Variants in ARAP2 observed in about 807,000 individuals in gnomAD.
ARAP2 encodes ArfGAP with RhoGAP domain, ankyrin repeat and PH domain 2.
In ARAP2, 148 loss-of-function variants were observed where a neutral mutation model predicts 194.5. That is an observed-to-expected ratio of 0.76 (90% CI 0.67 to 0.87). ARAP2 has a LOEUF of 0.87. Among genes scored for constraint, ARAP2 ranks in the 40% least tolerant of loss-of-function variants. The pLI is 0.00. For missense variants in ARAP2, 2,128 were observed against 1,989.7 expected (o/e 1.07, Z -1.32); for synonymous variants, 695 against 683.5 (o/e 1.02, Z -0.26).
chr4:36,026,664 A>G (rs1403228409), intron 5 of ARAP2, among the ~76,000 whole-genome samples: 1 of 152,200 alleles, frequency 6.6e-6, no homozygotes, highest in Non-Finnish European at 1.5e-5. Flanking sequence ...TGGAAAAGAT[A>G]GTACAAGGGC....
At chr4:36,027,410 G>T (rs1252911786) in intron 5 of ARAP2, among the ~76,000 whole-genome samples, 1 of 151,472 alleles carries the variant, frequency 6.6e-6, no homozygotes, top group Non-Finnish European at 1.5e-5. Flanking sequence ...CTTTGTATTT[G>T]CTGTTTCCTT....
chr4:36,177,218 AT>A (rs1560598380), intron 9 of ARAP2, among the ~76,000 whole-genome samples: 1 of 152,138 alleles, frequency 6.6e-6, no homozygotes, highest in East Asian at 1.9e-4. Flanking sequence ...GTCCTTTGAC[AT>A]TAATCAAATT....
Position 36,184,797 on chromosome 4 carries a change from G to C in ARAP2, c.1678+2654C>G, listed in dbSNP as rs1296231604. 3.3e-5 allele frequency among the ~76,000 whole-genome samples: 5 copies of C among 152,142 alleles called. No individual in the cohort carries two copies. The South Asian group carries it at 6.2e-4, about 19-fold the overall frequency. On this transcript the variant is annotated intron_variant, in intron 8 of 32. Coordinates refer to ENST00000303965, the MANE Select transcript of ARAP2 (RefSeq NM_015230.4). ...AAAGAAACAAGCAGTTACCTTTCAG[G>C]GTGGTGGAAACCAAACCATAAGGAA...
intron 31 of ARAP2, among the ~76,000 whole-genome samples, chr4:36,077,530 T>C (rs1309973545): frequency 2.6e-5 from 4 of 152,100 alleles, no homozygotes; most frequent in African/African-American, 9.7e-5. Context: ...ACAGACAACG[T>C]AGTCACTTCG....
At chr4:36,145,828 A>G (rs1451999044) in intron 19 of ARAP2, among the ~76,000 whole-genome samples, 1 of 151,840 alleles carries the variant, frequency 6.6e-6, no homozygotes, top group Non-Finnish European at 1.5e-5. Context: ...TCTCTTTTCT[A>G]GCTATACTCT....
rs182148738 is a variant in ARAP2, at chr4:36,008,475, A to G, written n.1326-1429T>C. Among the ~76,000 whole-genome samples, 5 of 152,266 alleles carry G rather than the reference A, an allele frequency of 3.3e-5. No homozygotes were observed. The East Asian group carries it at 9.6e-4, about 29-fold the overall frequency. On this transcript the variant is annotated intron_variant and non_coding_transcript_variant, in intron 9 of 12. Transcript: ENST00000503225. ...CTTATTCAGTAAATGCTCCTGGGAT[A>G]GCTAGCATGTCTATATGCAGAAGTA...
At chr4:36,126,951 C>T (rs1724078172) in intron 21 of ARAP2, among the ~76,000 whole-genome samples, 1 of 152,050 alleles carries the variant, frequency 6.6e-6, no homozygotes, top group Admixed American at 6.6e-5. Context: ...GATCCTCCCA[C>T]CTCAGTCTTC....
chr4:36,238,013 T>C (rs549475533), intron 1 of ARAP2, among the ~76,000 whole-genome samples: 1 of 152,316 alleles, frequency 6.6e-6, no homozygotes, highest in African/African-American at 2.4e-5. Context: ...CTAACTTATT[T>C]TTCTAGTCTG....
chr4:36,197,328 CGAAT>C (rs1335900853), intron 6 of ARAP2, among the ~76,000 whole-genome samples: 7 of 152,086 alleles, frequency 4.6e-5, no homozygotes, highest in African/African-American at 1.7e-4. Context: ...AGCGAAGAAA[CGAAT>C]GAATGTATTT....
Position 36,193,569 on chromosome 4 carries a change from T to A in ARAP2, c.1557+9A>T. The A allele has an allele frequency of 6.4e-7, 1 of 1,557,598 alleles. No homozygotes were observed. The highest frequency in any genetic ancestry group is 8.7e-7 in the Non-Finnish European group (1 of 1,154,336). The stretch of plus-strand genomic sequence containing the variant: ...AAAGCAATTTTTGAAAACTGTAAAA[T>A]GTATTTACCTTCTCATTATTGTAGT... On this transcript the variant is annotated intron_variant, in intron 7 of 32. Transcript: ENST00000303965.
rs762868346 is a variant in ARAP2, at chr4:36,229,007, G to A, written c.480C>T (p.His160=). 1 of 1,614,088 alleles carries A rather than the reference G, an allele frequency of 6.2e-7. No individual in the cohort carries two copies. Among genetic ancestry groups the A allele is most frequent in the South Asian group, 1.1e-5 (1 of 91,074 alleles). Residue 160 remains histidine, a synonymous_variant, in exon 2 of 33, where the codon CAC becomes CAT. Transcript: ENST00000303965. ...AATCATTCAAAGAACCCAAATTCAG[G>A]TGTGGTTCCTCTGCAGTGGGGAAGT... ...KRDFPTAEEP[H]LNLGSLNDSL...
intron 7 of ARAP2, among the ~76,000 whole-genome samples, chr4:36,191,655 CTG>C (rs1424142748): frequency 6.6e-6 from 1 of 151,782 alleles, no homozygotes; most frequent in Non-Finnish European, 1.5e-5. Context: ...CTCAAAATGC[CTG>C]TGTTTTTCAG....
intron 5 of ARAP2, among the ~76,000 whole-genome samples, chr4:36,043,476 G>T (rs970803037): frequency 6.6e-6 from 1 of 152,018 alleles, no homozygotes; most frequent in Admixed American, 6.6e-5. Context: ...GTTAGCCAAC[G>T]GTGTTTGGAC....
Position 36,092,037 on chromosome 4 carries a change from T to C in ARAP2, c.4286-17A>G. 6.7e-7 allele frequency: 1 copy of C among 1,485,634 alleles called. No homozygotes were observed. Among genetic ancestry groups the C allele is most frequent in the East Asian group, 2.4e-5 (1 of 42,528 alleles). The allele number at this position is 1,485,634 out of a possible 1,614,324, so 92.0% of individuals were successfully genotyped here. A position where few individuals can be genotyped will look rare whatever the true frequency, so the allele number is the denominator to read the frequency against. The stretch of plus-strand genomic sequence containing the variant: ...TACTCCGGTCTGTAAAGTACAGCAT[T>C]ACTTTTGTGAGTTGGGTACGTTTTT... On this transcript the variant is annotated splice_polypyrimidine_tract_variant and intron_variant, in intron 27 of 32. Coordinates refer to ENST00000303965, the MANE Select transcript of ARAP2 (RefSeq NM_015230.4).
rs1039724830 is a variant in ARAP2, at chr4:36,066,571, A to T, written c.*1336T>A. ...GATTGAAAAATAAAAAAGAAATGCT[A>T]AAAAAAAAAAACTTAGCTACATAAT... On this transcript the variant is annotated 3_prime_UTR_variant, in exon 33 of 33. Coordinates refer to ENST00000303965, the MANE Select transcript of ARAP2 (RefSeq NM_015230.4). The T allele has an allele frequency of 7.2e-6, 1 of 138,362 alleles. No individual in the cohort carries two copies. The highest frequency in any genetic ancestry group is 1.5e-5 in the Non-Finnish European group (1 of 65,086). 8.6% of individuals were successfully genotyped at this position (138,362 alleles called of 1,614,324 possible). A position where few individuals can be genotyped will look rare whatever the true frequency, so the allele number is the denominator to read the frequency against.
intron 2 of ARAP2, among the ~76,000 whole-genome samples, chr4:36,220,647 A>C (rs1241123549): frequency 6.6e-6 from 1 of 152,014 alleles, no homozygotes; most frequent in African/African-American, 2.4e-5. Context: ...ATAGGTGATG[A>C]CAGCTCCATG....
intron 22 of ARAP2, among the ~76,000 whole-genome samples, chr4:36,122,845 G>C (rs898878011): frequency 6.6e-6 from 1 of 151,732 alleles, no homozygotes; most frequent in African/African-American, 2.4e-5. Context: ...GACGAGAACT[G>C]TAAGTGGCAC....
At chr4:36,220,228 C>CGT (rs112046124) in intron 2 of ARAP2, among the ~76,000 whole-genome samples, 8,549 of 149,604 alleles carry the variant, frequency 0.057, 383 homozygotes, top group African/African-American at 0.13. Context: ...TATAGGCACA[C>CGT]GTGTGTGTGT....
At position 36,114,484 on chromosome 4, in the gene ARAP2, G is replaced by C. The variant is rs560775377; in HGVS notation, c.4039-197C>G. Among the ~76,000 whole-genome samples the C allele has an allele frequency of 9.4e-4, 143 of 152,038 alleles. 1 individual carries two copies. The highest frequency in any genetic ancestry group is 3.1e-3 in the African/African-American group (130 of 41,512). ...CATAAAATGTACATAAGTACAAAAAGAGATCACAATATAGACATAAGAGAA... is the reference window on the plus strand; with the variant it reads ...CATAAAATGTACATAAGTACAAAAACAGATCACAATATAGACATAAGAGAA... On this transcript the variant is annotated intron_variant, in intron 25 of 32. Transcript: ENST00000303965.
Sources: gnomAD v4.1 joint callset for allele counts (sites outside exome capture counted in the v4.1 genomes callset) on GRCh38, gnomAD v4.1.1 for gene constraint, MANE v1.5 for transcripts, NCBI Gene and HGNC (gene_info 2026-07-23, HGNC 2026-07-21) for gene names.